Variants in SLC12A2 observed in about 807,000 individuals in gnomAD.
SLC12A2 encodes solute carrier family 12 member 2.
SLC12A2 carries 67 observed loss-of-function variants against 136.3 expected under a neutral mutation model. The observed-to-expected ratio is 0.49, with a 90% confidence interval of 0.40 to 0.60. The LOEUF is 0.60. SLC12A2 is among the 20% of genes least tolerant of loss of function. The pLI is 0.00. For synonymous variants in SLC12A2, 619 were observed against 562.9 expected, an observed-to-expected ratio of 1.10 and a Z score of -1.41; for missense variants, 1,322 against 1,534.7, an observed-to-expected ratio of 0.86 and a Z score of 2.32.
At chr5:128,159,242 C>T (rs1762957557) in intron 16 of SLC12A2, among the ~76,000 whole-genome samples, 1 of 151,896 alleles carries the variant, frequency 6.6e-6, no homozygotes, top group South Asian at 2.1e-4. Flanking sequence ...TTCTTTACAC[C>T]TTATACAAAA....
intron 10 of SLC12A2, among the ~76,000 whole-genome samples, chr5:128,147,346 G>A (rs2126718727): frequency 6.6e-6 from 1 of 151,764 alleles, no homozygotes; most frequent in East Asian, 1.9e-4. Flanking sequence ...GTTGATCATT[G>A]TTGAAATTAG....
At chr5:128,182,779 G>A (rs1161425680) in intron 23 of SLC12A2, 76 bp from the exon 24 acceptor site, 4 of 975,038 alleles carry the variant, frequency 4.1e-6, no homozygotes, top group Non-Finnish European at 6.2e-6. Flanking sequence ...TATAAATCAT[G>A]CTTTTTAGAT....
At chr5:128,138,949 A>G (rs909396246) in intron 9 of SLC12A2, 41 bp downstream of exon 9, 2 of 1,308,722 alleles carry the variant, frequency 1.5e-6, no homozygotes, top group Non-Finnish European at 2.2e-6. Context: ...CAGAAATTTC[A>G]TGATGTACGT....
chr5:128,182,772 A>C (rs1763744788), intron 23 of SLC12A2, 83 bp from the exon 24 acceptor site: 2 of 926,018 alleles, frequency 2.2e-6, no homozygotes, highest in Non-Finnish European at 3.3e-6. Context: ...CTTTTTCTAT[A>C]AATCATGCTT....
At chr5:128,088,007 C>CTGTGTGTGTGTGTG (rs58191870) in intron 1 of SLC12A2, among the ~76,000 whole-genome samples, 13,947 of 140,110 alleles carry the variant, frequency 0.1, 928 homozygotes, top group Middle Eastern at 0.16. Flanking sequence ...GGAGGAGGCT[C>CTGTGTGTGTGTGTG]TGTGTGTGTG....
Position 128,177,046 on chromosome 5 carries a change from ATTATT to A in SLC12A2, c.2930-53_2930-49del, listed in dbSNP as rs981968592. 136 of 1,047,522 alleles carry A rather than the reference ATTATT, an allele frequency of 1.3e-4. No individual in the cohort carries two copies. The African/African-American group carries it at 1.8e-3, about 14-fold the overall frequency. The allele number at this position is 1,047,522 out of a possible 1,614,324, so 64.9% of individuals were successfully genotyped here. On this transcript the variant is annotated intron_variant, in intron 20 of 26. Transcript: ENST00000262461. ...ATAAATGTGCTCTGATTACATTTTT[ATTATT>A]TTATTAATATAAAGGCAATTAACAT...
chr5:128,182,441 G>A (rs1198766255), intron 23 of SLC12A2, among the ~76,000 whole-genome samples: 1 of 151,948 alleles, frequency 6.6e-6, no homozygotes, highest in Admixed American at 6.6e-5. Flanking sequence ...ATGGCCCACA[G>A]GTCATATTTG....
chr5:128,166,800 T>TAAAA lies in SLC12A2; in HGVS notation c.2617-961_2617-960insAAAA, dbSNP rs1359656600. Among the ~76,000 whole-genome samples the TAAAA allele has an allele frequency of 7.2e-5, 11 of 152,160 alleles. No individual in the cohort carries two copies. In the East Asian group the frequency reaches 2.1e-3, roughly 29 times the overall value. Reference sequence around the variant, plus strand: ...ATTGTACACTTAAAAATGGTTAAAATGACAATTTTTTTTATTTATCTTTTG... The same window carrying TAAAA: ...ATTGTACACTTAAAAATGGTTAAAATAAAAGACAATTTTTTTTATTTATCTTTTG... On this transcript the variant is annotated intron_variant, in intron 17 of 26. Coordinates refer to ENST00000262461, the MANE Select transcript of SLC12A2 (RefSeq NM_001046.3).
chr5:128,160,204 CAG>C (rs1007345454), intron 16 of SLC12A2, among the ~76,000 whole-genome samples: 5 of 151,670 alleles, frequency 3.3e-5, no homozygotes, highest in African/African-American at 1.2e-4. Context: ...CACACGGACA[CAG>C]GGAGGGGAAC....
chr5:128,154,001 G>T (rs959885651), intron 15 of SLC12A2, among the ~76,000 whole-genome samples: 1 of 148,802 alleles, frequency 6.7e-6, no homozygotes, highest in Non-Finnish European at 1.5e-5. Flanking sequence ...TATGTAAAAA[G>T]TTGTATCCTA....
intron 26 of SLC12A2, 35 bp from the exon 27 acceptor site, chr5:128,186,461 G>GTTTTTTT (rs11382084): frequency 2.3e-5 from 30 of 1,323,398 alleles, no homozygotes; most frequent in South Asian, 6.0e-5. Context: ...ATTGCTCAGG[G>GTTTTTTT]TTTTTTTTTT....
In SLC12A2 at chr5:128,110,180, C is replaced by T. The variant is rs548544753; in HGVS notation, c.757-2634C>T. 80 of 820,880 alleles carry T rather than the reference C, an allele frequency of 9.7e-5. No homozygotes were observed. In the African/African-American group the frequency reaches 1.0e-3, roughly 11 times the overall value. The allele number at this position is 820,880 out of a possible 1,614,324, so 50.8% of individuals were successfully genotyped here. The stretch of plus-strand genomic sequence containing the variant: ...AGGTGAAGATGCCAGATGTAGAGTT[C>T]TTTGTTAATTTGGCAGACTGGCCTT... On this transcript the variant is annotated intron_variant, in intron 1 of 26. Transcript: ENST00000262461.
intron 20 of SLC12A2, among the ~76,000 whole-genome samples, chr5:128,175,013 T>A (rs549255006): frequency 1.2e-3 from 190 of 152,204 alleles, no homozygotes; most frequent in Non-Finnish European, 1.9e-3. Context: ...CTCATGACTT[T>A]CACATAATTT....
chr5:128,113,780 C>T (rs918194154), intron 2 of SLC12A2, among the ~76,000 whole-genome samples: 5 of 151,908 alleles, frequency 3.3e-5, no homozygotes, highest in East Asian at 1.9e-4. Context: ...CATTTTGTAT[C>T]GACAAATATT....
chr5:128,091,251 T>C (rs141648442), intron 1 of SLC12A2, among the ~76,000 whole-genome samples: 1 of 152,192 alleles, frequency 6.6e-6, no homozygotes, highest in Non-Finnish European at 1.5e-5. Context: ...CTATTTAGAA[T>C]GGAGTTGATA....
intron 14 of SLC12A2, among the ~76,000 whole-genome samples, chr5:128,151,820 A>G (rs905563809): frequency 6.6e-6 from 1 of 152,144 alleles, no homozygotes; most frequent in African/African-American, 2.4e-5. Context: ...TGGAGTGAGT[A>G]CCATGGAGTT....
At chr5:128,168,841 C>T (rs1042925503) in intron 18 of SLC12A2, 2 of 152,182 alleles carry the variant, frequency 1.3e-5, no homozygotes, top group Non-Finnish European at 2.9e-5. Flanking sequence ...GCTGTGCAGC[C>T]CACCCAGTTC....
rs1211352890 is a variant in SLC12A2 at position 128,120,282 on chromosome 5, A to G, written c.1048+5601A>G. On this transcript the variant is annotated intron_variant, in intron 4 of 26. Coordinates refer to ENST00000262461, the MANE Select transcript of SLC12A2 (RefSeq NM_001046.3). ...GGTGGGACTGTAAACTAGTTCAACC[A>G]TTGTGGAAGTCAGTGTGGCGATTCC... Among the ~76,000 whole-genome samples, 12 of 145,030 alleles carry G rather than the reference A, an allele frequency of 8.3e-5. No individual in the cohort carries two copies. In the South Asian group the frequency reaches 1.8e-3, roughly 21 times the overall value.
chr5:128,158,085 A>C lies in SLC12A2; in HGVS notation c.2396A>C (p.Asn799Thr). 4 of 1,613,620 alleles carry C rather than the reference A, an allele frequency of 2.5e-6. No homozygotes were observed. Among genetic ancestry groups the C allele is most frequent in the Non-Finnish European group, 3.4e-6 (4 of 1,179,786 alleles). ...TGTCTTGTTATGACAGGTGCTCCAA[A>C]CTCACGTCCAGCTTTACTTCATCTT... Reference protein sequence around the residue: ...PQCLVMTGAPNSRPALLHLVH... With the variant: ...PQCLVMTGAPTSRPALLHLVH... Residue 799 changes from asparagine (N) to threonine (T), a missense_variant, in exon 16 of 27, where the codon AAC becomes ACC. Transcript: ENST00000262461.
Sources: gnomAD v4.1 joint callset for allele counts (sites outside exome capture counted in the v4.1 genomes callset) on GRCh38, gnomAD v4.1.1 for gene constraint, MANE v1.5 for transcripts, NCBI Gene and HGNC (gene_info 2026-07-23, HGNC 2026-07-21) for gene names.